L2HGDH: variants seen among roughly 807,000 people sequenced by gnomAD.
L2HGDH encodes the protein L-2-hydroxyglutarate dehydrogenase, mitochondrial.
Under a neutral mutation model 51.5 loss-of-function variants are expected in L2HGDH, and 34 were observed. That is an observed-to-expected ratio of 0.66 (90% CI 0.50 to 0.88). L2HGDH has a LOEUF of 0.88. Among genes scored for constraint, L2HGDH ranks in the 40% least tolerant of loss-of-function variants. L2HGDH has a pLI of 0.00. For missense variants in L2HGDH, 558 were observed against 571.9 expected (o/e 0.98, Z 0.25); for synonymous variants, 198 against 197.9 (o/e 1.00, Z -0.01).
At chr14:50,284,169 T>C in intron 4 of L2HGDH, 136 bp from the exon 5 acceptor site, 1 of 757,942 alleles carries the variant, frequency 1.3e-6, no homozygotes, top group Non-Finnish European at 2.2e-6. Flanking sequence ...TACAATGAGT[T>C]TTTCTTTTCC....
chr14:50,249,078 G>C (rs1888178398), intron 9 of L2HGDH, among the ~76,000 whole-genome samples: 1 of 152,184 alleles, frequency 6.6e-6, no homozygotes, highest in Admixed American at 6.5e-5. Flanking sequence ...AGCTGGGCTG[G>C]GCTCAGCCAG....
chr14:50,280,407 C>T (rs991401146), intron 5 of L2HGDH, among the ~76,000 whole-genome samples: 3 of 152,132 alleles, frequency 2.0e-5, no homozygotes, highest in Non-Finnish European at 2.9e-5. Flanking sequence ...CTCAGGTGAT[C>T]CGCCTGCCTT....
intron 6 of L2HGDH, among the ~76,000 whole-genome samples, chr14:50,269,678 T>C (rs1291351476): frequency 6.6e-6 from 1 of 152,168 alleles, no homozygotes; most frequent in Non-Finnish European, 1.5e-5. Context: ...TCTTAACTAT[T>C]TGCTGCATGA....
At chr14:50,265,839 A>C (rs1889304644) in intron 8 of L2HGDH, among the ~76,000 whole-genome samples, 1 of 152,150 alleles carries the variant, frequency 6.6e-6, no homozygotes, top group African/African-American at 2.4e-5. Flanking sequence ...GCTTGAACCC[A>C]GGAGGCAGAG....
Position 50,258,589 on chromosome 14 carries a change from C to G in L2HGDH, c.1196+6769G>C, listed in dbSNP as rs1230537991. Among the ~76,000 whole-genome samples, 2 of 152,030 alleles carry G rather than the reference C, an allele frequency of 1.3e-5. 1 individual carries two copies. Among genetic ancestry groups the G allele is most frequent in the East Asian group, 3.8e-4 (2 of 5,200 alleles). ...AGTGCACTGGCATGATCATAGCTCACTATAGCCTTTAACTCCTGGGCTCAA... is the reference window on the plus strand; with the variant it reads ...AGTGCACTGGCATGATCATAGCTCAGTATAGCCTTTAACTCCTGGGCTCAA... On this transcript the variant is annotated intron_variant, in intron 9 of 9. Transcript: ENST00000267436.
rs188774283 is a variant in L2HGDH, at chr14:50,243,293, C to T, written c.*3765G>A. 2.5e-5 allele frequency: 25 copies of T among 985,338 alleles called. No homozygotes were observed. The East Asian group carries it at 2.6e-3, about 103-fold the overall frequency. The allele number at this position is 985,338 out of a possible 1,614,324, so 61.0% of individuals were successfully genotyped here. On this transcript the variant is annotated 3_prime_UTR_variant, in exon 10 of 10. Transcript: ENST00000267436. The stretch of plus-strand genomic sequence containing the variant: ...CACTCTGAAGTTAAAATCTAAAATG[C>T]TCCACTTTTTACCCAAAATATAAAT...
intron 6 of L2HGDH, among the ~76,000 whole-genome samples, chr14:50,277,495 G>A (rs1890038262): frequency 6.6e-6 from 1 of 151,766 alleles, no homozygotes; most frequent in Non-Finnish European, 1.5e-5. Context: ...GTGGCAGAGG[G>A]CCAGGCGTGG....
chr14:50,284,221 ATCTGAT>A (rs1219297945), intron 4 of L2HGDH, among the ~76,000 whole-genome samples, 188 bp from the exon 5 acceptor site: 3 of 152,176 alleles, frequency 2.0e-5, no homozygotes, highest in Non-Finnish European at 2.9e-5. Flanking sequence ...TTTGATTCAT[ATCTGAT>A]TCTGAGTTGA....
At chr14:50,275,181 A>G (rs1357706613) in intron 6 of L2HGDH, among the ~76,000 whole-genome samples, 1 of 125,288 alleles carries the variant, frequency 8.0e-6, no homozygotes, top group Non-Finnish European at 1.9e-5. Context: ...GATATCAAAT[A>G]ACTTGATTGT....
intron 9 of L2HGDH, among the ~76,000 whole-genome samples, chr14:50,248,458 G>A (rs1888137791): frequency 6.6e-6 from 1 of 152,182 alleles, no homozygotes; most frequent in African/African-American, 2.4e-5. Flanking sequence ...TGCTTACTCT[G>A]TGCTAGGAAT....
intron 9 of L2HGDH, among the ~76,000 whole-genome samples, chr14:50,263,429 A>G (rs1889151027): frequency 6.6e-6 from 1 of 152,242 alleles, no homozygotes; most frequent in Non-Finnish European, 1.5e-5. Flanking sequence ...TGGTCTCAGA[A>G]TGATACATTA....
intron 2 of L2HGDH, among the ~76,000 whole-genome samples, chr14:50,302,629 T>C (rs1009334547): frequency 6.6e-6 from 1 of 152,210 alleles, no homozygotes; most frequent in Non-Finnish European, 1.5e-5. Context: ...TGTGTTCTCA[T>C]GTCTTTTCCT....
At position 50,265,396 on chromosome 14, in the gene L2HGDH, T is replaced by G; in HGVS notation, c.1158A>C (p.Gln386His). The G allele has an allele frequency of 1.2e-6, 2 of 1,612,452 alleles. No homozygotes were observed. Among genetic ancestry groups the G allele is most frequent in the Non-Finnish European group, 1.7e-6 (2 of 1,178,544 alleles). ...CFLGATVKYL[Q>H]KFIPEITISD... Reference sequence around the variant, plus strand: ...TGATAGTAATTTCAGGGATGAATTTTTGAAGATACTTCACTGTTGCACCAA... The same window carrying G: ...TGATAGTAATTTCAGGGATGAATTTGTGAAGATACTTCACTGTTGCACCAA... Residue 386 changes from glutamine to histidine, a missense_variant, in exon 9 of 10, where the codon CAA becomes CAC. Transcript: ENST00000267436.
Position 50,243,079 on chromosome 14 carries a change from G to C in L2HGDH, c.*3979C>G. 2.0e-6 allele frequency: 2 copies of C among 985,444 alleles called. No homozygotes were observed. The highest frequency in any genetic ancestry group is 2.4e-6 in the Non-Finnish European group (2 of 829,932). 61.0% of individuals were successfully genotyped at this position (985,444 alleles called of 1,614,324 possible). On this transcript the variant is annotated 3_prime_UTR_variant, in exon 10 of 10. Coordinates refer to ENST00000267436, the MANE Select transcript of L2HGDH (RefSeq NM_024884.3). ...AGGTTATCCCACAGGCTACTAGGTA[G>C]ATTTCCAAATGGCCTCAGGGAAAGT...
At position 50,261,581 on chromosome 14, in the gene L2HGDH, C is replaced by G. The variant is rs1039568582; in HGVS notation, c.1196+3777G>C. Among the ~76,000 whole-genome samples, 4 of 151,988 alleles carry G rather than the reference C, an allele frequency of 2.6e-5. No individual in the cohort carries two copies. In the South Asian group the frequency reaches 8.3e-4, roughly 32 times the overall value. On this transcript the variant is annotated intron_variant, in intron 9 of 9. Coordinates refer to ENST00000267436, the MANE Select transcript of L2HGDH (RefSeq NM_024884.3). ...AACTGTAGCTTCAGCATCCTGGGCT[C>G]AAGGGATCTTGCCACTTAAGCCTCT... is the stretch of plus-strand genomic sequence containing the variant.
In L2HGDH at chr14:50,246,638, T is replaced by G. The variant is rs1010521717; in HGVS notation, c.*420A>C. On this transcript the variant is annotated 3_prime_UTR_variant, in exon 10 of 10. Coordinates refer to ENST00000267436, the MANE Select transcript of L2HGDH (RefSeq NM_024884.3). ...TGTGTAGAAACAGGGTTTTGCCATG[T>G]TGCCCAGGCTGTTCTCAAACTCCTG... 1 of 169,448 alleles carries G rather than the reference T, an allele frequency of 5.9e-6. No individual in the cohort carries two copies. Among genetic ancestry groups the G allele is most frequent in the African/African-American group, 2.4e-5 (1 of 41,504 alleles). 10.5% of individuals were successfully genotyped at this position (169,448 alleles called of 1,614,324 possible). A position where few individuals can be genotyped will look rare whatever the true frequency, so the allele number is the denominator to read the frequency against.
At chr14:50,287,132 T>G in intron 4 of L2HGDH, 1 of 949,322 alleles carries the variant, frequency 1.1e-6, no homozygotes, top group East Asian at 1.2e-4. Context: ...GTGTAATACA[T>G]ATAATTTCAT....
At chr14:50,271,957 A>G (rs1889719555) in intron 6 of L2HGDH, among the ~76,000 whole-genome samples, 3 of 152,164 alleles carry the variant, frequency 2.0e-5, no homozygotes, top group Admixed American at 6.5e-5. Context: ...CCTGGACAAC[A>G]TGGTGAAACC....
intron 3 of L2HGDH, 42 bp from the exon 4 acceptor site, chr14:50,294,288 G>A: frequency 6.3e-7 from 1 of 1,590,476 alleles, no homozygotes; most frequent in Non-Finnish European, 8.6e-7. Context: ...AGAGGTGAAT[G>A]TATCATCAGC....
Sources: allele counts gnomAD v4.1 joint callset (sites outside exome capture counted in the v4.1 genomes callset), GRCh38; gene constraint gnomAD v4.1.1; transcripts MANE v1.5; gene names NCBI Gene and HGNC (gene_info 2026-07-23, HGNC 2026-07-21).